DMXL1: variants seen among roughly 807,000 people sequenced by gnomAD.
DMXL1 encodes the protein dmX-like protein 1.
DMXL1 carries 99 observed loss-of-function variants against 319.2 expected under a neutral mutation model. That is an observed-to-expected ratio of 0.31 (90% CI 0.26 to 0.37). The LOEUF (loss-of-function observed/expected upper bound fraction) is 0.37. Among genes scored for constraint, DMXL1 ranks in the 10% least tolerant of loss-of-function variants. The pLI is 1.00. For missense variants in DMXL1, 3,745 were observed against 3,595.6 expected (o/e 1.04, Z -1.06); for synonymous variants, 1,385 against 1,235.2 (o/e 1.12, Z -2.54).
chr5:119,077,134 G>A (rs564789525), intron 1 of DMXL1, among the ~76,000 whole-genome samples: 12 of 152,128 alleles, frequency 7.9e-5, no homozygotes, highest in Non-Finnish European at 1.6e-4. Flanking sequence ...GGGATTACAG[G>A]GATGAACCAA....
rs952581132 is a variant in DMXL1, at chr5:119,144,042, A to G, written c.2466+112A>G. ...AAATTTGCTATATATTTACAGGTAG[A>G]TTCAGTAATTAACTCATCACATAAT... On this transcript the variant is annotated intron_variant, in intron 14 of 43. Coordinates refer to ENST00000539542, the MANE Select transcript of DMXL1 (RefSeq NM_001290321.3). 7.8e-6 allele frequency: 5 copies of G among 643,762 alleles called. No homozygotes were observed. The African/African-American group carries it at 9.6e-5, about 12-fold the overall frequency. 39.9% of individuals were successfully genotyped at this position (643,762 alleles called of 1,614,324 possible).
At chr5:119,091,159 G>T (rs758940768) in intron 1 of DMXL1, among the ~76,000 whole-genome samples, 8 of 151,974 alleles carry the variant, frequency 5.3e-5, no homozygotes, top group African/African-American at 9.7e-5. Flanking sequence ...TTGGGGTCAG[G>T]TTCCTTGCTT....
At position 119,203,482 on chromosome 5, in the gene DMXL1, T is replaced by G. The variant is rs529015609; in HGVS notation, c.7863+46T>G. On this transcript the variant is annotated intron_variant, in intron 33 of 43. Coordinates refer to ENST00000539542, the MANE Select transcript of DMXL1 (RefSeq NM_001290321.3). Reference sequence around the variant, plus strand: ...GTTTACTATTTTATTATTGAAGTCTTTTATATTATCATGTAACCATTAAAA... The same window carrying G: ...GTTTACTATTTTATTATTGAAGTCTGTTATATTATCATGTAACCATTAAAA... 8.3e-4 allele frequency: 973 copies of G among 1,169,926 alleles called. 14 individuals are homozygous for G. In the South Asian group the frequency reaches 0.011, roughly 14 times the overall value. 72.5% of individuals were successfully genotyped at this position (1,169,926 alleles called of 1,614,324 possible).
chr5:119,209,504 C>G (rs746042094), intron 34 of DMXL1, among the ~76,000 whole-genome samples: 2 of 152,046 alleles, frequency 1.3e-5, no homozygotes, highest in Non-Finnish European at 2.9e-5. Context: ...CATGCATCAC[C>G]ATGCCCAGCT....
intron 34 of DMXL1, among the ~76,000 whole-genome samples, chr5:119,213,576 T>C (rs1783167340): frequency 6.6e-6 from 1 of 152,232 alleles, no homozygotes; most frequent in Non-Finnish European, 1.5e-5. Flanking sequence ...CACTTAGAGT[T>C]GCCTATAAAG....
chr5:119,154,739 A>C (rs1770623654), intron 19 of DMXL1: 1 of 153,396 alleles, frequency 6.5e-6, no homozygotes. Context: ...GAAGGTGGCT[A>C]CACAAAAGGA....
intron 38 of DMXL1, among the ~76,000 whole-genome samples, chr5:119,226,968 G>A (rs907032895): frequency 3.9e-5 from 6 of 152,200 alleles, no homozygotes; most frequent in South Asian, 2.1e-4. Flanking sequence ...CACCAGCCAA[G>A]AAGCTCATCA....
intron 37 of DMXL1, 52 bp from the exon 38 acceptor site, chr5:119,224,657 A>T: frequency 1.5e-6 from 1 of 655,408 alleles, no homozygotes; most frequent in Non-Finnish European, 2.5e-6. Flanking sequence ...TCACAATTTA[A>T]ATGTTTAATC....
rs899801414 is a variant in DMXL1, at chr5:119,248,128, G to A, written c.*909G>A. 1.3e-5 allele frequency: 2 copies of A among 152,084 alleles called. No homozygotes were observed. The highest frequency in any genetic ancestry group is 2.1e-4 in the South Asian group (1 of 4,832). 9.4% of individuals were successfully genotyped at this position (152,084 alleles called of 1,614,324 possible). On this transcript the variant is annotated 3_prime_UTR_variant, in exon 44 of 44. Coordinates refer to ENST00000539542, the MANE Select transcript of DMXL1 (RefSeq NM_001290321.3). ...TAAGTTTGTGAATTTGTCAACTTTCGAGCATCAAACAAATATTTTACTTAA... is the reference window on the plus strand; with the variant it reads ...TAAGTTTGTGAATTTGTCAACTTTCAAGCATCAAACAAATATTTTACTTAA...
intron 35 of DMXL1, among the ~76,000 whole-genome samples, chr5:119,219,260 G>A (rs1254909906): frequency 1.3e-5 from 2 of 151,992 alleles, no homozygotes; most frequent in African/African-American, 4.8e-5. Context: ...TTTTATAATC[G>A]ATAGTAAGCA....
At chr5:119,145,874 A>T (rs1014972098) in intron 15 of DMXL1, among the ~76,000 whole-genome samples, 5 of 151,756 alleles carry the variant, frequency 3.3e-5, no homozygotes, top group African/African-American at 1.2e-4. Flanking sequence ...AAAATGTTTT[A>T]CAAATATTTT....
At chr5:119,154,440 G>A (rs764155847) in intron 19 of DMXL1, among the ~76,000 whole-genome samples, 9 of 152,240 alleles carry the variant, frequency 5.9e-5, no homozygotes, top group Non-Finnish European at 1.2e-4. Flanking sequence ...GAAAGTTTGA[G>A]TGGTCTAGAT....
rs766026063 is a variant in DMXL1, at chr5:119,150,106, A to G, written c.4279A>G (p.Ser1427Gly). ...DSCYSSLEKS[S>G]NESTLSKSNQ... ...CTGTTACTCATCTTTGGAGAAATCT[A>G]GTAATGAGAGTACGTTAAGTAAATC... is the stretch of plus-strand genomic sequence containing the variant. The change falls in exon 18 of 44, where the codon AGT becomes GGT. Residue 1427 changes from serine to glycine, a missense_variant. By Grantham distance (56) the Ser-to-Gly change is moderately conservative. Coordinates refer to ENST00000539542, the MANE Select transcript of DMXL1 (RefSeq NM_001290321.3). 1.2e-6 allele frequency: 2 copies of G among 1,613,818 alleles called. No individual in the cohort carries two copies. Among genetic ancestry groups the G allele is most frequent in the Non-Finnish European group, 1.7e-6 (2 of 1,179,878 alleles).
At chr5:119,213,687 T>TC (rs1322036563) in intron 34 of DMXL1, among the ~76,000 whole-genome samples, 4 of 152,116 alleles carry the variant, frequency 2.6e-5, no homozygotes, top group Non-Finnish European at 4.4e-5. Context: ...TGTGATCCTT[T>TC]CCCCGTGGAC....
chr5:119,090,112 C>G (rs1436648100), intron 1 of DMXL1, among the ~76,000 whole-genome samples: 1 of 132,454 alleles, frequency 7.5e-6, no homozygotes, highest in East Asian at 2.5e-4. Context: ...CCTCTGCCTC[C>G]CGGGTTCAAG....
chr5:119,201,467 G>A (rs1474799384), intron 32 of DMXL1, among the ~76,000 whole-genome samples: 1 of 152,142 alleles, frequency 6.6e-6, no homozygotes, highest in Non-Finnish European at 1.5e-5. Context: ...GGTTTGGTTT[G>A]CAAGTATTTT....
intron 28 of DMXL1, among the ~76,000 whole-genome samples, chr5:119,179,306 CA>C (rs137904079): frequency 0.56 from 66,979 of 119,018 alleles, 15,817 homozygotes; most frequent in East Asian, 0.81. Flanking sequence ...AATGTTTTTC[CA>C]AAAAAAAAAA....
intron 2 of DMXL1, chr5:119,100,770 C>CTTTTTTTTTTTTTTTT (rs397999092): frequency 1.6e-5 from 1 of 62,670 alleles, no homozygotes; most frequent in African/African-American, 5.9e-5. Flanking sequence ...CATCTGTTTT[C>CTTTTTTTTTTTTTTTT]TTTTTTTTTT....
intron 11 of DMXL1, 25 bp downstream of exon 11, chr5:119,133,410 T>C (rs1765350835): frequency 2.5e-6 from 4 of 1,598,776 alleles, no homozygotes; most frequent in Non-Finnish European, 2.6e-6. Flanking sequence ...TCTGGAGAGC[T>C]ACTTCCTTGT....
Sources: allele counts gnomAD v4.1 joint callset (sites outside exome capture counted in the v4.1 genomes callset), GRCh38; gene constraint gnomAD v4.1.1; transcripts MANE v1.5; gene names NCBI Gene and HGNC (gene_info 2026-07-23, HGNC 2026-07-21).